ATP8B4: variants seen among roughly 807,000 people sequenced by gnomAD.
The protein encoded by ATP8B4 is ATPase phospholipid transporting 8B4 (putative).
In ATP8B4, 133 loss-of-function variants were observed where a neutral mutation model predicts 145.6. The observed-to-expected ratio is 0.91, with a 90% CI of 0.79 to 1.05. ATP8B4 has a LOEUF of 1.05. ATP8B4 is among the 50% of genes least tolerant of loss of function. The pLI is 0.00. For synonymous variants in ATP8B4, 507 were observed against 492.9 expected (o/e 1.03, Z -0.38); for missense variants, 1,458 against 1,425.2 (o/e 1.02, Z -0.37).
chr15:50,018,549 G>A (rs56888332), intron 6 of ATP8B4, among the ~76,000 whole-genome samples: 5,764 of 152,188 alleles, frequency 0.038, 388 homozygotes, highest in African/African-American at 0.13. Context: ...ATATCTTCCC[G>A]TCAACAATGA....
intron 16 of ATP8B4, among the ~76,000 whole-genome samples, chr15:49,928,379 A>C (rs964620422): frequency 3.9e-5 from 6 of 152,168 alleles, no homozygotes; most frequent in African/African-American, 1.4e-4. Flanking sequence ...AGACAGGAGA[A>C]CAGCATGTCC....
At chr15:49,891,210 T>C (rs1352568402) in intron 23 of ATP8B4, among the ~76,000 whole-genome samples, 1 of 151,954 alleles carries the variant, frequency 6.6e-6, no homozygotes, top group African/African-American at 2.4e-5. Flanking sequence ...TTCATACACT[T>C]GCTTGCAGAC....
At chr15:49,931,993 T>G (rs547616168) in intron 15 of ATP8B4, among the ~76,000 whole-genome samples, 8 of 151,346 alleles carry the variant, frequency 5.3e-5, no homozygotes, top group East Asian at 1.9e-4. Context: ...TATATACATA[T>G]AGAGAGAGAG....
intron 20 of ATP8B4, among the ~76,000 whole-genome samples, chr15:49,909,256 C>T (rs2038964781): frequency 6.6e-6 from 1 of 152,156 alleles, no homozygotes. Context: ...CTCCCAGAGA[C>T]TGGAAGACAG....
chr15:50,152,370 A>C (rs944839728), intron 1 of ATP8B4, among the ~76,000 whole-genome samples: 1 of 152,200 alleles, frequency 6.6e-6, no homozygotes, highest in Non-Finnish European at 1.5e-5. Context: ...ATAGTGACTG[A>C]TTTCATATTA....
In ATP8B4 at chr15:49,887,500, C is replaced by A. The variant is rs1202453440; in HGVS notation, c.2698-8041G>T. Among the ~76,000 whole-genome samples the A allele has an allele frequency of 7.9e-5, 12 of 152,188 alleles. No individual in the cohort carries two copies. In the East Asian group the frequency reaches 1.9e-3, roughly 25 times the overall value. On this transcript the variant is annotated intron_variant, in intron 23 of 27. Transcript: ENST00000284509. ...TATATAAAAGGAGTCCCACAAAAAA[C>A]CATTTTCCCTAGGGCACCCATACTC...
intron 8 of ATP8B4, among the ~76,000 whole-genome samples, chr15:49,997,215 A>T (rs929090695): frequency 6.6e-6 from 1 of 152,126 alleles, no homozygotes; most frequent in African/African-American, 2.4e-5. Context: ...GAAAGGGAAT[A>T]CAGCTTTCAT....
intron 22 of ATP8B4, 149 bp from the exon 23 acceptor site, chr15:49,897,664 A>T (rs2037557684): frequency 2.8e-6 from 2 of 705,302 alleles, no homozygotes; most frequent in Non-Finnish European, 4.2e-6. Flanking sequence ...CTTATGATAG[A>T]TATTTCTCTT....
rs1436063773 is a variant in ATP8B4 at position 50,115,816 on chromosome 15, T to A, written c.-43+3307A>T. On this transcript the variant is annotated intron_variant, in intron 1 of 27. Coordinates refer to ENST00000284509, the MANE Select transcript of ATP8B4 (RefSeq NM_024837.4). Reference sequence around the variant, plus strand: ...TCACCAAAACTCTACGAGCAGGAATTACCGTTATCCCCATTTTATAGATAA... The same window carrying A: ...TCACCAAAACTCTACGAGCAGGAATAACCGTTATCCCCATTTTATAGATAA... 4.6e-5 allele frequency among the ~76,000 whole-genome samples: 7 copies of A among 152,206 alleles called. 1 individual carries two copies. Among genetic ancestry groups the A allele is most frequent in the Non-Finnish European group, 7.3e-5 (5 of 68,032 alleles).
intron 9 of ATP8B4, among the ~76,000 whole-genome samples, chr15:49,992,153 CA>C (rs2047092552): frequency 1.3e-5 from 2 of 152,300 alleles, no homozygotes; most frequent in South Asian, 2.1e-4. Context: ...TCTCTTCCTT[CA>C]AGAGCTGTAA....
chr15:49,876,453 T>C lies in ATP8B4; in HGVS notation c.2852A>G (p.Asn951Ser), dbSNP rs1289876796. ...CACGCAAATGAAAAATTTACGCTTGTTAAAAAGCAGATTCAGCTGTCCTGG... is the reference window on the plus strand; with the variant it reads ...CACGCAAATGAAAAATTTACGCTTGCTAAAAAGCAGATTCAGCTGTCCTGG... Reference protein sequence around the residue: ...YKPGQLNLLFNKRKFFICVLH... With the variant: ...YKPGQLNLLFSKRKFFICVLH... Residue 951 changes from asparagine (N) to serine (S), a missense_variant, in exon 25 of 28, where the codon AAC becomes AGC. Asn to Ser is a conservative substitution (Grantham distance 46). Coordinates refer to ENST00000284509, the MANE Select transcript of ATP8B4 (RefSeq NM_024837.4). 3 of 1,614,150 alleles carry C rather than the reference T, an allele frequency of 1.9e-6. No individual in the cohort carries two copies. The highest frequency in any genetic ancestry group is 1.7e-6 in the Non-Finnish European group (2 of 1,179,986).
At chr15:50,024,507 G>T (rs944725429) in intron 6 of ATP8B4, among the ~76,000 whole-genome samples, 1 of 152,196 alleles carries the variant, frequency 6.6e-6, no homozygotes, top group Non-Finnish European at 1.5e-5. Flanking sequence ...TGTGAAAGGG[G>T]AAAGCATGTA....
intron 1 of ATP8B4, among the ~76,000 whole-genome samples, chr15:50,128,383 T>C (rs7171888): frequency 0.22 from 33,306 of 152,232 alleles, 4,315 homozygotes; most frequent in East Asian, 0.42. Context: ...GGGAGCAGTA[T>C]GGAACACTGG....
At chr15:49,930,449 G>A (rs1434547552) in intron 16 of ATP8B4, among the ~76,000 whole-genome samples, 2 of 152,092 alleles carry the variant, frequency 1.3e-5, no homozygotes, top group Non-Finnish European at 1.5e-5. Flanking sequence ...CATTGACACA[G>A]CACTAAGAGT....
At chr15:49,989,915 T>C (rs2046919907) in intron 9 of ATP8B4, among the ~76,000 whole-genome samples, 1 of 152,130 alleles carries the variant, frequency 6.6e-6, no homozygotes, top group Non-Finnish European at 1.5e-5. Context: ...TATAACCTAT[T>C]ATACTATCTA....
chr15:49,997,033 T>C (rs1239794948), intron 8 of ATP8B4, among the ~76,000 whole-genome samples: 1 of 152,108 alleles, frequency 6.6e-6, no homozygotes, highest in Non-Finnish European at 1.5e-5. Context: ...ACAAATATGG[T>C]TTCATTTGAA....
chr15:50,077,247 G>C (rs2054239857), intron 2 of ATP8B4, among the ~76,000 whole-genome samples: 1 of 152,230 alleles, frequency 6.6e-6, no homozygotes, highest in African/African-American at 2.4e-5. Flanking sequence ...TGGACTAAAA[G>C]AGCTAAAAGA....
chr15:50,143,723 A>C (rs2044241586), intron 1 of ATP8B4, among the ~76,000 whole-genome samples: 1 of 152,142 alleles, frequency 6.6e-6, no homozygotes, highest in Non-Finnish European at 1.5e-5. Context: ...GTGTTCTATG[A>C]AGCATTTCAA....
At chr15:50,048,520 C>A (rs1314585026) in intron 3 of ATP8B4, among the ~76,000 whole-genome samples, 1 of 151,856 alleles carries the variant, frequency 6.6e-6, no homozygotes, top group East Asian at 1.9e-4. Context: ...CCAGCCTGGC[C>A]AACAAGATGA....
Sources: gnomAD v4.1 joint callset for allele counts (sites outside exome capture counted in the v4.1 genomes callset) on GRCh38, gnomAD v4.1.1 for gene constraint, MANE v1.5 for transcripts, NCBI Gene and HGNC (gene_info 2026-07-23, HGNC 2026-07-21) for gene names.